NRCAM: variants seen among roughly 807,000 people sequenced by gnomAD.
NRCAM encodes neuronal cell adhesion molecule, also known as NgCAM-related cell adhesion molecule.
In NRCAM, 83 loss-of-function variants were observed where a neutral mutation model predicts 156.5. That is an observed-to-expected ratio of 0.53 (90% CI 0.44 to 0.64). The LOEUF (loss-of-function observed/expected upper bound fraction) is 0.64. NRCAM is among the 30% of genes least tolerant of loss of function. The pLI is 0.00. For missense variants in NRCAM, 1,417 were observed against 1,597.3 expected, an observed-to-expected ratio of 0.89 and a Z score of 1.92; for synonymous variants, 538 against 563.9, an observed-to-expected ratio of 0.95 and a Z score of 0.65.
chr7:108,191,684 C>A, intron 18 of NRCAM, 45 bp downstream of exon 18: 1 of 1,546,488 alleles, frequency 6.5e-7, no homozygotes, highest in South Asian at 1.2e-5. Context: ...TCTTTTCAAC[C>A]AAATGCAGGG....
chr7:108,404,011 G>T (rs1164043396), intron 1 of NRCAM, among the ~76,000 whole-genome samples: 1 of 152,038 alleles, frequency 6.6e-6, no homozygotes, highest in Non-Finnish European at 1.5e-5. Context: ...TAGTTTTTCT[G>T]ACTCCACCAT....
At chr7:108,308,906 A>G (rs2098758119) in intron 3 of NRCAM, among the ~76,000 whole-genome samples, 1 of 152,248 alleles carries the variant, frequency 6.6e-6, no homozygotes, top group South Asian at 2.1e-4. Context: ...GGATGTGAAT[A>G]AAACTCAGAG....
intron 2 of NRCAM, among the ~76,000 whole-genome samples, chr7:108,327,867 C>T (rs2099086330): frequency 1.3e-5 from 2 of 152,114 alleles, no homozygotes; most frequent in Admixed American, 1.3e-4. Flanking sequence ...AAAGTTTATG[C>T]TACACTTTGC....
chr7:108,257,712 T>C (rs1041112507), intron 3 of NRCAM, among the ~76,000 whole-genome samples: 1 of 152,160 alleles, frequency 6.6e-6, no homozygotes, highest in African/African-American at 2.4e-5. Flanking sequence ...TTAATAAGGG[T>C]TCGTGACAAT....
intron 3 of NRCAM, among the ~76,000 whole-genome samples, chr7:108,269,410 T>C (rs2097253790): frequency 6.6e-6 from 1 of 152,100 alleles, no homozygotes; most frequent in South Asian, 2.1e-4. Context: ...ACAAATATAG[T>C]GAGTTTGTTT....
At chr7:108,326,049 G>C (rs141226965) in intron 2 of NRCAM, among the ~76,000 whole-genome samples, 5 of 152,194 alleles carry the variant, frequency 3.3e-5, no homozygotes, top group Admixed American at 3.3e-4. Flanking sequence ...TGATGTATCT[G>C]AGTGCTGAGT....
chr7:108,311,917 G>A (rs924351928), intron 3 of NRCAM, among the ~76,000 whole-genome samples: 18 of 152,062 alleles, frequency 1.2e-4, no homozygotes, highest in African/African-American at 4.1e-4. Flanking sequence ...CTGAACAATC[G>A]TGCTCTCATA....
At chr7:108,383,104 A>G (rs2395962) in intron 2 of NRCAM, among the ~76,000 whole-genome samples, 48,803 of 150,974 alleles carry the variant, frequency 0.32, 8,296 homozygotes, top group East Asian at 0.6. Context: ...CATCTATTCA[A>G]CCACTGAGTC....
intron 3 of NRCAM, among the ~76,000 whole-genome samples, chr7:108,307,311 C>T (rs114848126): frequency 2.1e-3 from 314 of 152,354 alleles, no homozygotes; most frequent in African/African-American, 7.1e-3. Context: ...TTAATCAACA[C>T]TGCTATAACG....
intron 2 of NRCAM, among the ~76,000 whole-genome samples, chr7:108,320,520 A>C (rs1057166681): frequency 6.6e-6 from 1 of 151,384 alleles, no homozygotes; most frequent in Non-Finnish European, 1.5e-5. Context: ...ACACCACTAC[A>C]CTCCAGCCTG....
intron 3 of NRCAM, among the ~76,000 whole-genome samples, chr7:108,245,571 A>G (rs1222962388): frequency 6.6e-6 from 1 of 152,230 alleles, no homozygotes; most frequent in Non-Finnish European, 1.5e-5. Context: ...CAATATTCAT[A>G]AAGTACAAAA....
At chr7:108,207,684 CA>C in intron 12 of NRCAM, 25 bp from the exon 13 acceptor site, 2 of 1,574,768 alleles carry the variant, frequency 1.3e-6, no homozygotes, top group South Asian at 1.2e-5. Flanking sequence ...GAAAAAAGAC[CA>C]AAAATCTGAA....
chr7:108,313,825 G>A (rs2098839368), intron 2 of NRCAM, among the ~76,000 whole-genome samples: 1 of 151,984 alleles, frequency 6.6e-6, no homozygotes, highest in Non-Finnish European at 1.5e-5. Flanking sequence ...GAGTTGTGTA[G>A]GAGAGCATCT....
chr7:108,452,569 T>C (rs949239033), intron 1 of NRCAM, among the ~76,000 whole-genome samples: 56 of 152,286 alleles, frequency 3.7e-4, no homozygotes, highest in African/African-American at 1.3e-3. Flanking sequence ...GCCAGGAAGG[T>C]TCCTGGAAGG....
chr7:108,435,884 G>A (rs1677029998), intron 1 of NRCAM, among the ~76,000 whole-genome samples: 1 of 152,224 alleles, frequency 6.6e-6, no homozygotes, highest in South Asian at 2.1e-4. Flanking sequence ...TGTAATCCCA[G>A]CACTTTGGGA....
At chr7:108,391,159 T>C (rs1386769464) in intron 2 of NRCAM, among the ~76,000 whole-genome samples, 3 of 152,196 alleles carry the variant, frequency 2.0e-5, no homozygotes, top group Non-Finnish European at 4.4e-5. Context: ...ATCTGTCTAA[T>C]GTTGACAGTG....
chr7:108,426,759 T>TA (rs1160315174), intron 1 of NRCAM, among the ~76,000 whole-genome samples: 1 of 152,204 alleles, frequency 6.6e-6, no homozygotes, highest in Non-Finnish European at 1.5e-5. Context: ...GTTTTTCAAA[T>TA]ATCTGTAAAA....
intron 11 of NRCAM, among the ~76,000 whole-genome samples, chr7:108,210,317 G>A (rs1315942302): frequency 6.6e-6 from 1 of 151,448 alleles, no homozygotes; most frequent in Non-Finnish European, 1.5e-5. Flanking sequence ...CACGATCTGA[G>A]CTCACTGCAA....
In NRCAM at chr7:108,177,982, C is replaced by T. The variant is rs1443817940; in HGVS notation, c.2974+8G>A. On this transcript the variant is annotated splice_region_variant and intron_variant, in intron 26 of 32. Coordinates refer to ENST00000379028, the MANE Select transcript of NRCAM (RefSeq NM_001037132.4). Reference sequence around the variant, plus strand: ...ATATTTCCCCTTCTCTTCCTCCCAACAGCTTACTTGGCTGATACTTTAAGG... The same window carrying T: ...ATATTTCCCCTTCTCTTCCTCCCAATAGCTTACTTGGCTGATACTTTAAGG... The T allele has an allele frequency of 6.3e-7, 1 of 1,593,292 alleles. No individual in the cohort carries two copies.
Sources: allele counts gnomAD v4.1 joint callset (sites outside exome capture counted in the v4.1 genomes callset), GRCh38; gene constraint gnomAD v4.1.1; transcripts MANE v1.5; gene names NCBI Gene and HGNC (gene_info 2026-07-23, HGNC 2026-07-21).